Variants in ZNF892 observed in about 807,000 individuals in gnomAD.
ZNF892 encodes zinc finger protein 892, also known as zinc finger protein 570-like.
the ZNF892 span, among the ~76,000 whole-genome samples, chr2:95,252,027 T>G: frequency 3.9e-5 from 6 of 152,090 alleles, no homozygotes; most frequent in African/African-American, 1.4e-4. Context: ...GAAATAAGAG[T>G]TCGGAGTCGC....
At chr2:95,221,627 C>T in the ZNF892 span, among the ~76,000 whole-genome samples, 3 of 152,036 alleles carry the variant, frequency 2.0e-5, no homozygotes, top group African/African-American at 4.8e-5. Context: ...TTTTGGTCAT[C>T]GAGTTGTTTA....
chr2:95,214,445 T>C, the ZNF892 span: 1 of 398,550 alleles, frequency 2.5e-6, no homozygotes, highest in East Asian at 3.6e-5. Context: ...AAAGTTCTAG[T>C]GAATGTGAGG....
chr2:95,236,928 A>G, the ZNF892 span, among the ~76,000 whole-genome samples: 2 of 152,304 alleles, frequency 1.3e-5, no homozygotes, highest in African/African-American at 4.8e-5. Flanking sequence ...ACATACAGGC[A>G]TATGTCATTT....
At chr2:95,207,021 A>G in the ZNF892 span, among the ~76,000 whole-genome samples, 172 of 152,284 alleles carry the variant, frequency 1.1e-3, no homozygotes, top group South Asian at 2.5e-3. Flanking sequence ...CTTCTTGGAG[A>G]CGTGGCCGTT....
the ZNF892 span, among the ~76,000 whole-genome samples, chr2:95,227,885 T>C: frequency 2.0e-5 from 3 of 152,158 alleles, no homozygotes; most frequent in African/African-American, 7.2e-5. Flanking sequence ...GATTATAGCA[T>C]GTGTCTTCTA....
chr2:95,212,370 A>G, the ZNF892 span: 1 of 397,552 alleles, frequency 2.5e-6, no homozygotes, highest in Non-Finnish European at 4.4e-6. Flanking sequence ...TGCTAGACCC[A>G]TGGAAAAGTT....
At chr2:95,247,978 C>T in the ZNF892 span, among the ~76,000 whole-genome samples, 1 of 152,138 alleles carries the variant, frequency 6.6e-6, no homozygotes, top group Non-Finnish European at 1.5e-5. Context: ...TCAGCAATCC[C>T]ATTACTGAGT....
At chr2:95,261,839 C>T in the ZNF892 span, among the ~76,000 whole-genome samples, 1 of 152,186 alleles carries the variant, frequency 6.6e-6, no homozygotes, top group Non-Finnish European at 1.5e-5. Flanking sequence ...GGGAGTTCCT[C>T]ATTTGCGACT....
the ZNF892 span, chr2:95,211,592 G>A: frequency 2.5e-6 from 1 of 398,452 alleles, no homozygotes; most frequent in Non-Finnish European, 4.4e-6. Context: ...GCTCATTGGT[G>A]AGCACCAATG....
chr2:95,239,952 T>A, the ZNF892 span, among the ~76,000 whole-genome samples: 3 of 152,196 alleles, frequency 2.0e-5, no homozygotes, highest in South Asian at 2.1e-4. Flanking sequence ...TAAACATAAC[T>A]TATATGCACT....
chr2:95,236,013 A>T, the ZNF892 span, among the ~76,000 whole-genome samples: 2 of 152,120 alleles, frequency 1.3e-5, no homozygotes, highest in East Asian at 3.9e-4. Flanking sequence ...GCCCACTAGG[A>T]AGTAGCCTTC....
At chr2:95,214,813 A>G in the ZNF892 span, 1 of 470,628 alleles carries the variant, frequency 2.1e-6, no homozygotes, top group Middle Eastern at 3.0e-4. Context: ...GCCTTTAGCC[A>G]GAGCATACAC....
At chr2:95,259,353 T>A in the ZNF892 span, 2 of 152,944 alleles carry the variant, frequency 1.3e-5, no homozygotes, top group African/African-American at 2.4e-5. Context: ...TTGGCGGCTC[T>A]GACAAGACCC....
the ZNF892 span, among the ~76,000 whole-genome samples, chr2:95,257,623 A>C: frequency 1.3e-5 from 2 of 152,128 alleles, no homozygotes; most frequent in African/African-American, 4.8e-5. Flanking sequence ...TTAAGTGCAG[A>C]GGTTTCTGCT....
chr2:95,229,459 C>T, the ZNF892 span, among the ~76,000 whole-genome samples: 1 of 152,278 alleles, frequency 6.6e-6, no homozygotes, highest in East Asian at 1.9e-4. Context: ...CCTCATTGTC[C>T]CAATGCCTCA....
At chr2:95,242,190 A>G in the ZNF892 span, among the ~76,000 whole-genome samples, 1 of 152,188 alleles carries the variant, frequency 6.6e-6, no homozygotes, top group African/African-American at 2.4e-5. Context: ...ACATATAATC[A>G]TCAGATTCTC....
At chr2:95,243,681 C>T in the ZNF892 span, among the ~76,000 whole-genome samples, 12 of 151,520 alleles carry the variant, frequency 7.9e-5, no homozygotes, top group Admixed American at 4.6e-4. Context: ...AAGTGAGGAG[C>T]GTCTCCGCCC....
At chr2:95,214,146 C>CA in the ZNF892 span, among the ~76,000 whole-genome samples, 1 of 152,132 alleles carries the variant, frequency 6.6e-6, no homozygotes, top group Non-Finnish European at 1.5e-5. Flanking sequence ...CTTCTTTGTC[C>CA]AGTCATCTTT....
chr2:95,227,691 A>G, the ZNF892 span, among the ~76,000 whole-genome samples: 1 of 152,088 alleles, frequency 6.6e-6, no homozygotes, highest in Non-Finnish European at 1.5e-5. Context: ...GTCATAGCTC[A>G]GTGTAACCTT....
Sources: gnomAD v4.1 joint callset for allele counts (sites outside exome capture counted in the v4.1 genomes callset) on GRCh38, gnomAD v4.1.1 for gene constraint, MANE v1.5 for transcripts, NCBI Gene and HGNC (gene_info 2026-07-23, HGNC 2026-07-21) for gene names.